The following DQX1 variants were observed in gnomAD, a reference collection of about 807,000 sequenced individuals.
The protein encoded by DQX1 is ATP-dependent RNA helicase homolog DQX1.
In DQX1, 66 loss-of-function variants were observed where a neutral mutation model predicts 81.3. That is an observed-to-expected ratio of 0.81 (90% CI 0.67 to 1.00). The LOEUF (loss-of-function observed/expected upper bound fraction) is 1.00, where lower values mean the gene tolerates loss of function less well. Ranked by LOEUF, DQX1 falls within the 50% of genes least tolerant of loss-of-function variation. DQX1 has a pLI of 0.00. For synonymous variants in DQX1, 290 were observed against 350.0 expected, an observed-to-expected ratio of 0.83 and a Z score of 1.91; for missense variants, 798 against 867.9, an observed-to-expected ratio of 0.92 and a Z score of 1.01.
intron 10 of DQX1, 147 bp downstream of exon 10, chr2:74,519,409 C>T: frequency 1.5e-6 from 2 of 1,311,426 alleles, no homozygotes; most frequent in Non-Finnish European, 2.1e-6. Context: ...CCCCTTGTAC[C>T]TCAAATCCTC....
At position 74,525,461 on chromosome 2, in the gene DQX1, G is replaced by A. The variant is rs1675150298; in HGVS notation, c.237+32C>T. ...TTTGTCCTCCCTTTGTCCACTCCCAGAATCTGCCTGCCCCCACAACCCCCA... is the reference window on the plus strand; with the variant it reads ...TTTGTCCTCCCTTTGTCCACTCCCAAAATCTGCCTGCCCCCACAACCCCCA... On this transcript the variant is annotated intron_variant, in intron 2 of 11. Transcript: ENST00000404568. The surrounding 1 kb of genome is among the most constrained non-coding windows in gnomAD (Gnocchi z 4.1). The A allele has an allele frequency of 1.3e-6, 2 of 1,546,314 alleles. No individual in the cohort carries two copies. Among genetic ancestry groups the A allele is most frequent in the Admixed American group, 2.0e-5 (1 of 50,868 alleles).
chr2:74,522,222 C>G (rs1170706317), intron 8 of DQX1, among the ~76,000 whole-genome samples: 1 of 152,148 alleles, frequency 6.6e-6, no homozygotes, highest in Non-Finnish European at 1.5e-5. Context: ...GAGTTGAAAG[C>G]TGTTTCACTG....
Position 74,523,554 on chromosome 2 carries a change from G to C in DQX1, c.817-17C>G. On this transcript the variant is annotated splice_polypyrimidine_tract_variant and intron_variant, in intron 4 of 11. Transcript: ENST00000404568. The stretch of plus-strand genomic sequence containing the variant: ...GGAAATTTCCTGAGAAGAAGGGTGG[G>C]TGGGGCATTAGGGCAGTTCTCACGT... 1 of 1,608,122 alleles carries C rather than the reference G, an allele frequency of 6.2e-7. No individual in the cohort carries two copies. The highest frequency in any genetic ancestry group is 8.5e-7 in the Non-Finnish European group (1 of 1,175,206).
Position 74,519,572 on chromosome 2 carries a change from G to A in DQX1, c.1790C>T (p.Ser597Leu). ...NRRDLQKALV[S>L]GYFLKVARDT... ...TCCTCTAACCTTGAGAAAGTATCCT[G>A]ACACCAGTGCTTTCTGAAGGTCTCT... The change falls in exon 10 of 12, where the codon TCA (serine) becomes TTA (leucine). Residue 597 changes from serine to leucine, a missense_variant. Physicochemically the swap from Ser to Leu is moderately radical, Grantham distance 145. Coordinates refer to ENST00000404568, the MANE Select transcript of DQX1 (RefSeq NM_133637.3). 1.2e-6 allele frequency: 2 copies of A among 1,614,158 alleles called. No individual in the cohort carries two copies. Among genetic ancestry groups the A allele is most frequent in the Non-Finnish European group, 1.7e-6 (2 of 1,180,032 alleles).
In DQX1 at chr2:74,524,227, T is replaced by C. The variant is rs1186945816; in HGVS notation, c.512A>G (p.Glu171Gly). Reference sequence around the variant, plus strand: ...TGATGCCACCGACCGCTCCTGAGCCTCATCTAGTACCAGCACGCCCCAGGC... The same window carrying C: ...TGATGCCACCGACCGCTCCTGAGCCCCATCTAGTACCAGCACGCCCCAGGC... ...TGAWGVLVLD[E>G]AQERSVASDS... The change falls in exon 4 of 12, where the codon GAG (glutamate) becomes GGG (glycine). Residue 171 changes from glutamate to glycine, a missense_variant. By Grantham distance (98) the Glu-to-Gly change is moderately conservative. Transcript: ENST00000404568. The C allele has an allele frequency of 6.2e-7, 1 of 1,614,062 alleles. No homozygotes were observed. Among genetic ancestry groups the C allele is most frequent in the South Asian group, 1.1e-5 (1 of 91,086 alleles).
At position 74,523,914 on chromosome 2, in the gene DQX1, G is replaced by A; in HGVS notation, c.816+9C>T. The A allele has an allele frequency of 6.4e-7, 1 of 1,554,794 alleles. No individual in the cohort carries two copies. The highest frequency in any genetic ancestry group is 8.7e-7 in the Non-Finnish European group (1 of 1,151,628). ...CAGGCTGTTTTTTTTGTTTTGTTTT[G>A]TTTTTTACCTCCTCACTGGGCAGGA... On this transcript the variant is annotated intron_variant, in intron 4 of 11. Coordinates refer to ENST00000404568, the MANE Select transcript of DQX1 (RefSeq NM_133637.3).
chr2:74,520,535 A>T (rs1481096177), intron 8 of DQX1, among the ~76,000 whole-genome samples: 1 of 152,198 alleles, frequency 6.6e-6, no homozygotes, highest in Non-Finnish European at 1.5e-5. Context: ...AGGGAATGAA[A>T]TGACGTGGCA....
Position 74,525,547 on chromosome 2 carries a change from G to A in DQX1, c.183C>T (p.Asn61=). 1 of 1,552,234 alleles carries A rather than the reference G, an allele frequency of 6.4e-7. No individual in the cohort carries two copies. The highest frequency in any genetic ancestry group is 8.7e-7 in the Non-Finnish European group (1 of 1,147,118). Residue 61 remains asparagine (N), a synonymous_variant, in exon 2 of 12, where the codon AAC becomes AAT. Transcript: ENST00000404568. The surrounding 1 kb of genome is among the most constrained non-coding windows in gnomAD (Gnocchi z 4.1). ...CAGACACCAGCACCACTCCAGTGGGGTTACTCTCCAACTGCTCCAAGAAGG... is the reference window on the plus strand; with the variant it reads ...CAGACACCAGCACCACTCCAGTGGGATTACTCTCCAACTGCTCCAAGAAGG... ...RFTFLEQLES[N]PTGVVLVSGE...
intron 11 of DQX1, among the ~76,000 whole-genome samples, 171 bp downstream of exon 11, chr2:74,518,869 T>C (rs1280798694): frequency 1.3e-5 from 2 of 152,240 alleles, no homozygotes; most frequent in Non-Finnish European, 2.9e-5. Context: ...GCATCTTCTC[T>C]TATAATGCAG....
chr2:74,522,881 C>T lies in DQX1; in HGVS notation c.1278G>A (p.Gly426=), dbSNP rs1675065438. ...LLKRRQIAEP[G]ECHFLDQPAP... The stretch of plus-strand genomic sequence containing the variant: ...CAGGCTGGTCCAGGAAGTGACACTC[C>T]CCTGGCTCTGCAATCTGTCTCCTTT... The change falls in exon 7 of 12, where the codon GGG becomes GGA. Residue 426 remains glycine (G), a synonymous_variant. Transcript: ENST00000404568. 1.2e-6 allele frequency: 2 copies of T among 1,613,958 alleles called. No individual in the cohort carries two copies. The highest frequency in any genetic ancestry group is 1.3e-5 in the African/African-American group (1 of 74,910).
At position 74,523,315 on chromosome 2, in the gene DQX1, G is replaced by A. The variant is rs774452490; in HGVS notation, c.1039C>T (p.Arg347Ter). 25 of 1,613,964 alleles carry A rather than the reference G, an allele frequency of 1.5e-5. No homozygotes were observed. Among genetic ancestry groups the A allele is most frequent in the Middle Eastern group, 1.6e-4 (1 of 6,084 alleles). Reference protein sequence around the residue: ...QHVIDSGLELRSVYNPRIRAE... With the variant: ...QHVIDSGLEL ...TATCTCTCTCTCTCACTCACACTTCGGAGCTCCAGTCCTGAGTCGATGACA... is the reference window on the plus strand; with the variant it reads ...TATCTCTCTCTCTCACTCACACTTCAGAGCTCCAGTCCTGAGTCGATGACA... The change falls in exon 5 of 12, where the codon CGA (arginine) becomes TGA (stop). Residue 347 changes from arginine (R) to a stop codon, truncating the protein, a stop_gained. Coordinates refer to ENST00000404568, the MANE Select transcript of DQX1 (RefSeq NM_133637.3). LOFTEE classifies it high-confidence loss of function.
intron 4 of DQX1, 24 bp downstream of exon 4, chr2:74,523,899 T>TTTTTTG (rs1558602904): frequency 6.5e-7 from 1 of 1,527,048 alleles, no homozygotes; most frequent in East Asian, 2.3e-5. Flanking sequence ...CAGGCTGTTT[T>TTTTTTG]TTTTGTTTTG....
At position 74,519,145 on chromosome 2, in the gene DQX1, C is replaced by G; in HGVS notation, c.1892G>C (p.Arg631Pro). Reference sequence around the variant, plus strand: ...GGGTCTGGCAGGAGCTCTGCGGCTTCGGTAGCAGCAGTATGAGGAGAGCTG... The same window carrying G: ...GGGTCTGGCAGGAGCTCTGCGGCTTGGGTAGCAGCAGTATGAGGAGAGCTG... ...VAQLSSYCCYRSRRAPARPPP... is the reference protein window; with the variant it reads ...VAQLSSYCCYPSRRAPARPPP... Residue 631 changes from arginine (R) to proline (P), a missense_variant, in exon 11 of 12, where the codon CGA becomes CCA. By Grantham distance (103) the Arg-to-Pro change is moderately radical. Transcript: ENST00000404568. 6.2e-7 allele frequency: 1 copy of G among 1,613,466 alleles called. No homozygotes were observed.
intron 8 of DQX1, among the ~76,000 whole-genome samples, chr2:74,521,085 A>G (rs1675010846): frequency 6.6e-6 from 1 of 152,226 alleles, no homozygotes; most frequent in African/African-American, 2.4e-5. Context: ...CCATTGGCAG[A>G]TCCTACCTAC....
Position 74,518,617 on chromosome 2 carries a change from C to T in DQX1, c.1998-15G>A. ...ATTCCACCAGCCTAATAGAGAGAGT[C>T]ATAATTAGATGATCTGCATCTTCTC... On this transcript the variant is annotated splice_polypyrimidine_tract_variant and intron_variant, in intron 11 of 11. Coordinates refer to ENST00000404568, the MANE Select transcript of DQX1 (RefSeq NM_133637.3). 6.2e-7 allele frequency: 1 copy of T among 1,612,348 alleles called. No individual in the cohort carries two copies. Among genetic ancestry groups the T allele is most frequent in the Non-Finnish European group, 8.5e-7 (1 of 1,178,610 alleles).
chr2:74,518,781 T>C (rs531736766), intron 11 of DQX1, among the ~76,000 whole-genome samples, 179 bp from the exon 12 acceptor site: 2 of 152,108 alleles, frequency 1.3e-5, no homozygotes, highest in African/African-American at 4.8e-5. Flanking sequence ...CCCACCTCAA[T>C]CTCCCAAGTA....
In DQX1 at chr2:74,523,303, C is replaced by T. The variant is rs1558602530; in HGVS notation, c.1044+7G>A. 2 of 1,614,184 alleles carry T rather than the reference C, an allele frequency of 1.2e-6. No individual in the cohort carries two copies. Among genetic ancestry groups the T allele is most frequent in the Non-Finnish European group, 8.5e-7 (1 of 1,180,030 alleles). On this transcript the variant is annotated splice_region_variant and intron_variant, in intron 5 of 11. Coordinates refer to ENST00000404568, the MANE Select transcript of DQX1 (RefSeq NM_133637.3). ...CTACCCCACCGCTATCTCTCTCTCT[C>T]ACTCACACTTCGGAGCTCCAGTCCT...
rs765998279 is a variant in DQX1, at chr2:74,523,494, G to A, written c.860C>T (p.Ser287Phe). Residue 287 changes from serine (S) to phenylalanine (F), a missense_variant, in exon 5 of 12, where the codon TCC becomes TTC. Coordinates refer to ENST00000404568, the MANE Select transcript of DQX1 (RefSeq NM_133637.3). ...TGGTGGAAGCCCTTGGAGAAGCAAG[G>A]ACTCTACCTCCCTGGACAAGGATTC... ...CCESLSREVE[S>F]LLLQGLPPRV... The A allele has an allele frequency of 5.6e-6, 9 of 1,613,146 alleles. No homozygotes were observed. Among genetic ancestry groups the A allele is most frequent in the African/African-American group, 2.7e-5 (2 of 74,854 alleles).
intron 3 of DQX1, 105 bp downstream of exon 3, chr2:74,524,904 G>T: frequency 7.5e-7 from 1 of 1,340,380 alleles, no homozygotes; most frequent in South Asian, 1.4e-5. Context: ...AAATAAAAAA[G>T]AGTGAGTTGG....
Sources: gnomAD v4.1 joint callset for allele counts (sites outside exome capture counted in the v4.1 genomes callset) on GRCh38, gnomAD v4.1.1 for gene constraint, Gnocchi (gnomAD v3.1) non-coding constraint, MANE v1.5 for transcripts, NCBI Gene and HGNC (gene_info 2026-07-23, HGNC 2026-07-21) for gene names.